MAGED1: variants seen among roughly 807,000 people sequenced by gnomAD.
The protein encoded by MAGED1 is melanoma-associated antigen D1.
Under a neutral mutation model 54.1 loss-of-function variants are expected in MAGED1, and 3 were observed. That is an observed-to-expected ratio of 0.06 (90% confidence interval 0.03 to 0.14). The LOEUF is 0.14. Ranked by LOEUF, MAGED1 falls within the 10% of genes least tolerant of loss-of-function variation. The pLI is 1.00. For missense variants in MAGED1, 485 were observed against 623.4 expected, an observed-to-expected ratio of 0.78 and a Z score of 2.36; for synonymous variants, 217 against 227.3, an observed-to-expected ratio of 0.95 and a Z score of 0.41.
chrX:51,832,474 A>T (rs1557357535), intron 1 of MAGED1, among the ~76,000 whole-genome samples: 1 of 109,265 alleles, frequency 9.2e-6, no homozygotes, highest in Non-Finnish European at 1.9e-5. Context: ...CCTCTCTGCT[A>T]CTCTTAGCCT....
intron 1 of MAGED1, among the ~76,000 whole-genome samples, chrX:51,835,053 A>G (rs1321345742): frequency 9.0e-6 from 1 of 111,356 alleles, no homozygotes; most frequent in African/African-American, 3.3e-5. Context: ...TTTGTGTAGA[A>G]CTGGTATTAT....
chrX:51,872,890 T>C (rs1184238659), intron 1 of MAGED1, among the ~76,000 whole-genome samples: 1 of 111,181 alleles, frequency 9.0e-6, no homozygotes, highest in African/African-American at 3.3e-5. Flanking sequence ...CATCCCTTAT[T>C]TAGCAAATAA....
At chrX:51,841,351 G>C in intron 1 of MAGED1, among the ~76,000 whole-genome samples, 1 of 110,439 alleles carries the variant, frequency 9.1e-6, no homozygotes. Flanking sequence ...TGTCAGATGA[G>C]TAGGTTGCAA....
intron 1 of MAGED1, among the ~76,000 whole-genome samples, chrX:51,855,749 C>T (rs1261279041): frequency 9.0e-6 from 1 of 111,295 alleles, no homozygotes; most frequent in Non-Finnish European, 1.9e-5. Flanking sequence ...TGGTCTCAAA[C>T]TCCTGACCTC....
chrX:51,812,543 C>G (rs1417181057), intron 1 of MAGED1, among the ~76,000 whole-genome samples: 1 of 111,960 alleles, frequency 8.9e-6, no homozygotes, highest in African/African-American at 3.2e-5. Context: ...TTCCAGTTAG[C>G]ATAGTGTTTT....
Position 51,897,052 on chromosome X carries a change from G to A in MAGED1, c.1397G>A (p.Arg466Gln), listed in dbSNP as rs782539728. The A allele has an allele frequency of 2.5e-6, 3 of 1,211,384 alleles. No homozygotes were observed. The highest frequency in any genetic ancestry group is 4.3e-5 in the Admixed American group (2 of 46,087). ...ASQNPGAAQP[R>Q]DVALLQERAN... ...CAGAACCCAGGTGCTGCACAGCCCC[G>A]AGATGTGGCCCTTCTTCAGGAAAGA... is the stretch of plus-strand genomic sequence containing the variant. The change falls in exon 4 of 13, where the codon CGA becomes CAA. Residue 466 changes from arginine (R) to glutamine (Q), a missense_variant. This residue lies in a region of MAGED1 where 186 missense variants were observed against 330.3 expected (regional missense o/e 0.56). Transcript: ENST00000326587.
At chrX:51,851,171 C>CA (rs1926878960) in intron 1 of MAGED1, among the ~76,000 whole-genome samples, 1 of 111,697 alleles carries the variant, frequency 9.0e-6, no homozygotes, top group South Asian at 3.8e-4. Context: ...CTTAACTTCT[C>CA]AGAGTTTCCA....
chrX:51,828,262 G>C (rs1557357091), intron 1 of MAGED1, among the ~76,000 whole-genome samples: 1 of 110,903 alleles, frequency 9.0e-6, no homozygotes, highest in African/African-American at 3.3e-5. Context: ...GTTATCCCCC[G>C]TTTCTCCCTT....
chrX:51,831,725 C>G (rs1357187494), intron 1 of MAGED1, among the ~76,000 whole-genome samples: 1 of 111,754 alleles, frequency 8.9e-6, no homozygotes, highest in African/African-American at 3.2e-5. Flanking sequence ...AAGCAATGTA[C>G]TATGAATCTT....
At chrX:51,830,407 A>C (rs1926018545) in intron 1 of MAGED1, among the ~76,000 whole-genome samples, 1 of 111,183 alleles carries the variant, frequency 9.0e-6, no homozygotes, top group South Asian at 3.8e-4. Flanking sequence ...AGTTTATTTC[A>C]TAAAATAGAT....
At chrX:51,834,402 T>C (rs782663749) in intron 1 of MAGED1, among the ~76,000 whole-genome samples, 93 of 112,060 alleles carry the variant, frequency 8.3e-4, no homozygotes, top group African/African-American at 2.9e-3. Flanking sequence ...GAGCCACCCC[T>C]GCTCTCTGCA....
In MAGED1 at chrX:51,898,453, G is replaced by A. The variant is rs1474211813; in HGVS notation, c.1781+126G>A. The A allele has an allele frequency of 4.1e-6, 4 of 968,487 alleles. No homozygotes were observed. The East Asian group carries it at 1.3e-4, about 30-fold the overall frequency. 79.8% of individuals were successfully genotyped at this position (968,487 alleles called of 1,213,427 possible). On this transcript the variant is annotated intron_variant, in intron 9 of 12. Coordinates refer to ENST00000326587, the MANE Select transcript of MAGED1 (RefSeq NM_006986.4). ...TTGGGGATGTTCAGAGCCCAAAGAT[G>A]TGACCTGGGTGGATGGGGAAACAGT... is the stretch of plus-strand genomic sequence containing the variant.
intron 1 of MAGED1, among the ~76,000 whole-genome samples, chrX:51,876,938 A>G (rs1341189767): frequency 9.0e-6 from 1 of 111,538 alleles, no homozygotes; most frequent in Non-Finnish European, 1.9e-5. Flanking sequence ...ATTTTTTATC[A>G]CTTTCAATTT....
intron 1 of MAGED1, among the ~76,000 whole-genome samples, chrX:51,839,466 T>C (rs1372622437): frequency 1.8e-5 from 2 of 112,055 alleles, no homozygotes; most frequent in African/African-American, 3.2e-5. Flanking sequence ...CTTCCCTTCC[T>C]GTTCCATACC....
chrX:51,865,201 A>G (rs372721414), intron 1 of MAGED1, among the ~76,000 whole-genome samples: 1 of 111,357 alleles, frequency 9.0e-6, no homozygotes, highest in East Asian at 2.8e-4. Context: ...TAAGATTGTA[A>G]TTTTTTTTCT....
At chrX:51,892,053 G>C (rs1928456531), upstream of MAGED1, among the ~76,000 whole-genome samples, 1 of 112,487 alleles carries the variant, frequency 8.9e-6, no homozygotes, top group African/African-American at 3.2e-5. Flanking sequence ...CCTAGCATTA[G>C]CTTCCTTTCA....
chrX:51,820,622 G>A (rs1266819051), intron 1 of MAGED1, among the ~76,000 whole-genome samples: 3 of 110,947 alleles, frequency 2.7e-5, no homozygotes, highest in African/African-American at 9.8e-5. Flanking sequence ...TTTATTTTAT[G>A]TTTAATTGAT....
chrX:51,807,880 C>T (rs1925087390), intron 1 of MAGED1, among the ~76,000 whole-genome samples: 1 of 111,482 alleles, frequency 9.0e-6, no homozygotes, highest in Non-Finnish European at 1.9e-5. Flanking sequence ...TTCAATAATG[C>T]CTTGGTTATT....
At chrX:51,863,914 G>A (rs1241197541) in intron 1 of MAGED1, among the ~76,000 whole-genome samples, 4 of 110,277 alleles carry the variant, frequency 3.6e-5, no homozygotes, top group African/African-American at 1.3e-4. Context: ...TATATGGTTT[G>A]TGTATATTTT....
Sources: allele counts gnomAD v4.1 joint callset (sites outside exome capture counted in the v4.1 genomes callset), GRCh38; gene constraint gnomAD v4.1.1; regional missense constraint gnomAD v4.1.1; transcripts MANE v1.5; gene names NCBI Gene and HGNC (gene_info 2026-07-23, HGNC 2026-07-21).